Variants in ST8SIA1 observed in about 807,000 individuals in gnomAD.
The protein encoded by ST8SIA1 is alpha-N-acetylneuraminide alpha-2,8-sialyltransferase.
In ST8SIA1, 16 loss-of-function variants were observed where a neutral mutation model predicts 35.9. That is an observed-to-expected ratio of 0.45 (90% CI 0.30 to 0.68). ST8SIA1 has a LOEUF of 0.68. Ranked by LOEUF, ST8SIA1 falls within the 30% of genes least tolerant of loss-of-function variation. The pLI is 0.09. For synonymous variants in ST8SIA1, 170 were observed against 169.6 expected (o/e 1.00, Z -0.02); for missense variants, 383 against 453.6 (o/e 0.84, Z 1.41).
intron 1 of ST8SIA1, among the ~76,000 whole-genome samples, chr12:22,294,897 A>G (rs1866224619): frequency 6.6e-6 from 1 of 152,218 alleles, no homozygotes; most frequent in South Asian, 2.1e-4. Context: ...ACTGATCTAT[A>G]CAGCTAGAAA....
intron 4 of ST8SIA1, among the ~76,000 whole-genome samples, chr12:22,238,446 A>C (rs1412893381): frequency 6.6e-6 from 1 of 152,300 alleles, no homozygotes; most frequent in East Asian, 1.9e-4. Context: ...CTGAGACTAC[A>C]CAGGAAGGGA....
intron 1 of ST8SIA1, among the ~76,000 whole-genome samples, chr12:22,300,749 T>C (rs1055464137): frequency 1.3e-5 from 2 of 152,156 alleles, no homozygotes; most frequent in African/African-American, 4.8e-5. Flanking sequence ...TGATCCAATT[T>C]TGTGATAGCA....
chr12:22,244,619 G>A (rs1865578298), intron 4 of ST8SIA1, among the ~76,000 whole-genome samples: 2 of 151,968 alleles, frequency 1.3e-5, no homozygotes, highest in South Asian at 4.2e-4. Flanking sequence ...ACCATACCTG[G>A]CTAACTTTTG....
intron 3 of ST8SIA1, among the ~76,000 whole-genome samples, chr12:22,252,504 T>C (rs1309657527): frequency 6.6e-6 from 1 of 152,208 alleles, no homozygotes; most frequent in East Asian, 1.9e-4. Flanking sequence ...CTTTTAAACA[T>C]TAAAATGTGT....
intron 4 of ST8SIA1, among the ~76,000 whole-genome samples, chr12:22,212,563 A>T (rs371328547): frequency 1.3e-5 from 2 of 152,324 alleles, no homozygotes; most frequent in South Asian, 4.1e-4. Context: ...AAGCTATTCC[A>T]TTGATAGATA....
intron 2 of ST8SIA1, among the ~76,000 whole-genome samples, chr12:22,280,996 G>A (rs1248409170): frequency 6.6e-6 from 1 of 152,058 alleles, no homozygotes; most frequent in Admixed American, 6.6e-5. Context: ...TATGTTTCCC[G>A]AAATCCCAGC....
chr12:22,217,698 CATA>C (rs1279840238), intron 4 of ST8SIA1, among the ~76,000 whole-genome samples: 1 of 152,194 alleles, frequency 6.6e-6, no homozygotes, highest in Non-Finnish European at 1.5e-5. Flanking sequence ...GTGCCTGGCA[CATA>C]ATAAGTCTTA....
intron 4 of ST8SIA1, among the ~76,000 whole-genome samples, chr12:22,214,627 A>G (rs922200640): frequency 7.9e-5 from 12 of 152,100 alleles, no homozygotes; most frequent in African/African-American, 2.9e-4. Context: ...TCAAAATTCC[A>G]AAGGACATGA....
chr12:22,315,427 C>T (rs941234453), intron 1 of ST8SIA1, among the ~76,000 whole-genome samples: 32 of 152,092 alleles, frequency 2.1e-4, no homozygotes, highest in African/African-American at 7.7e-4. Flanking sequence ...AAAATTAACA[C>T]GTACTGATTT....
Position 22,236,322 on chromosome 12 carries a change from G to T in ST8SIA1, c.584+12684C>A, listed in dbSNP as rs531541106. 4.6e-5 allele frequency among the ~76,000 whole-genome samples: 7 copies of T among 152,246 alleles called. No individual in the cohort carries two copies. The East Asian group carries it at 1.3e-3, about 29-fold the overall frequency. On this transcript the variant is annotated intron_variant, in intron 4 of 4. Coordinates refer to ENST00000396037, the MANE Select transcript of ST8SIA1 (RefSeq NM_003034.4). ...CAGCACACCTTCAAAACAAAATTCT[G>T]GTGCTGACTTAAATGTTTTCTGCCA...
chr12:22,281,644 T>C (rs1486378596), intron 2 of ST8SIA1, among the ~76,000 whole-genome samples: 1 of 152,124 alleles, frequency 6.6e-6, no homozygotes, highest in Non-Finnish European at 1.5e-5. Context: ...TAGGATTCCA[T>C]ATCCTGTATA....
At chr12:22,229,526 G>A (rs1865392367) in intron 4 of ST8SIA1, among the ~76,000 whole-genome samples, 1 of 150,888 alleles carries the variant, frequency 6.6e-6, no homozygotes, top group Non-Finnish European at 1.5e-5. Context: ...CAAAGTGGGA[G>A]GATTGCTTGA....
chr12:22,223,593 C>T, intron 4 of ST8SIA1: 2 of 1,062,006 alleles, frequency 1.9e-6, no homozygotes, highest in South Asian at 5.2e-5. Flanking sequence ...CTGATTCAAG[C>T]AGCATGAGTC....
rs186826720 is a variant in ST8SIA1 at position 22,212,078 on chromosome 12, T to A, written c.585-10040A>T. On this transcript the variant is annotated intron_variant, in intron 4 of 4. Coordinates refer to ENST00000396037, the MANE Select transcript of ST8SIA1 (RefSeq NM_003034.4). Reference sequence around the variant, plus strand: ...CGTACTTTTATTCTTTTGATTTTTTTAATATTCTTATAATGTTGTCTGTGC... The same window carrying A: ...CGTACTTTTATTCTTTTGATTTTTTAAATATTCTTATAATGTTGTCTGTGC... Among the ~76,000 whole-genome samples, 566 of 152,350 alleles carry A rather than the reference T, an allele frequency of 3.7e-3. 3 individuals carry two copies. Among genetic ancestry groups the A allele is most frequent in the South Asian group, 0.013 (63 of 4,826 alleles).
chr12:22,221,670 A>G (rs931860844), intron 4 of ST8SIA1, among the ~76,000 whole-genome samples: 1 of 152,248 alleles, frequency 6.6e-6, no homozygotes, highest in African/African-American at 2.4e-5. Flanking sequence ...GCTAAGTAAA[A>G]GCAGAGCCTA....
chr12:22,277,802 TGAAATTCAAACATAA>T (rs1438733454), intron 2 of ST8SIA1, among the ~76,000 whole-genome samples: 1 of 152,134 alleles, frequency 6.6e-6, no homozygotes. Context: ...ATTTGGACAG[TGAAATTCAAACATAA>T]GACCCTGGTG....
intron 2 of ST8SIA1, among the ~76,000 whole-genome samples, chr12:22,275,428 A>G (rs1865957644): frequency 6.6e-6 from 1 of 152,036 alleles, no homozygotes; most frequent in Non-Finnish European, 1.5e-5. Context: ...GGTGGTGCAC[A>G]CCTATAGTCC....
chr12:22,290,528 A>G (rs140411231), intron 1 of ST8SIA1, among the ~76,000 whole-genome samples: 1 of 151,764 alleles, frequency 6.6e-6, no homozygotes, highest in East Asian at 1.9e-4. Flanking sequence ...ATAATCAAGA[A>G]AAGGGGCACC....
At chr12:22,233,880 CCT>C (rs1203420846) in intron 4 of ST8SIA1, among the ~76,000 whole-genome samples, 2 of 152,010 alleles carry the variant, frequency 1.3e-5, no homozygotes, top group African/African-American at 2.4e-5. Flanking sequence ...CCAAATATTC[CCT>C]GTTTTATTTT....
Sources: allele counts gnomAD v4.1 joint callset (sites outside exome capture counted in the v4.1 genomes callset), GRCh38; gene constraint gnomAD v4.1.1; transcripts MANE v1.5; gene names NCBI Gene and HGNC (gene_info 2026-07-23, HGNC 2026-07-21).